The following CEP290 variants were observed in gnomAD, a reference collection of about 807,000 sequenced individuals.
CEP290 encodes centrosomal protein of 290 kDa.
Under a neutral mutation model 344.9 loss-of-function variants are expected in CEP290, and 317 were observed. The ratio of observed to expected loss-of-function variants is 0.92; its 90% CI spans 0.84 to 1.01. The LOEUF (loss-of-function observed/expected upper bound fraction) is 1.01, where lower values mean the gene tolerates loss of function less well. Among genes scored for constraint, CEP290 ranks in the 50% least tolerant of loss-of-function variants. CEP290 has a pLI of 0.00. For synonymous variants in CEP290, 932 were observed against 895.8 expected (o/e 1.04, Z -0.72); for missense variants, 2,754 against 2,761.4 (o/e 1.00, Z 0.06).
chr12:88,071,063 C>T (rs1421944195), intron 43 of CEP290, among the ~76,000 whole-genome samples: 1 of 152,090 alleles, frequency 6.6e-6, no homozygotes, highest in Non-Finnish European at 1.5e-5. Context: ...ACAAAAGTAT[C>T]TACATTTTCC....
intron 45 of CEP290, 40 bp from the exon 46 acceptor site, chr12:88,062,818 C>T: frequency 7.8e-7 from 1 of 1,290,266 alleles, no homozygotes. Flanking sequence ...TTTAACATAG[C>T]TACAGCCATT....
At chr12:88,111,399 GA>G (rs747031831) in intron 21 of CEP290, 48 bp from the exon 22 acceptor site, 1 of 1,502,850 alleles carries the variant, frequency 6.7e-7, no homozygotes, top group Admixed American at 2.4e-5. Context: ...TACACCCAAA[GA>G]AAGACAAATT....
Position 88,087,794 on chromosome 12 carries a change from C to A in CEP290, c.4180G>T (p.Val1394Leu). Residue 1394 changes from valine to leucine, a missense_variant, in exon 32 of 54, where the codon GTG (valine) becomes TTG (leucine). Val to Leu is a conservative substitution (Grantham distance 32, BLOSUM62 1). Coordinates refer to ENST00000552810, the MANE Select transcript of CEP290 (RefSeq NM_025114.4). The stretch of plus-strand genomic sequence containing the variant: ...TAAAATAAAACCTTGTTCTGTTGCA[C>A]AATTTCTTCTTCAAGACTGCTGATT... ...RTISSLEEEI[V>L]QQNKFHEERQ... The A allele has an allele frequency of 1.6e-6, 2 of 1,216,506 alleles. No homozygotes were observed. Among genetic ancestry groups the A allele is most frequent in the Non-Finnish European group, 2.1e-6 (2 of 944,674 alleles). 75.4% of individuals were successfully genotyped at this position (1,216,506 alleles called of 1,614,324 possible).
At chr12:88,079,310 A>T (rs1467119235) in intron 38 of CEP290, 81 bp from the exon 39 acceptor site, 2 of 1,082,892 alleles carry the variant, frequency 1.8e-6, no homozygotes, top group Admixed American at 6.7e-5. Flanking sequence ...AAAAATAAAC[A>T]AGCTTTATTA....
chr12:88,125,250 G>A lies in CEP290; in HGVS notation c.1185C>T (p.Asn395=). Residue 395 remains asparagine (N), a synonymous_variant, in exon 13 of 54, where the codon AAC becomes AAT. Transcript: ENST00000552810. ...ACTATATATTTATAAAAATACCTTTGTTTCTTTGGAGCTCATTTTTCAAAT... is the reference window on the plus strand; with the variant it reads ...ACTATATATTTATAAAAATACCTTTATTTCTTTGGAGCTCATTTTTCAAAT... ...IEDLKNELQR[N]KGASTLSQQT... 1.3e-6 allele frequency: 1 copy of A among 795,816 alleles called. No individual in the cohort carries two copies. Among genetic ancestry groups the A allele is most frequent in the Non-Finnish European group, 1.8e-6 (1 of 547,010 alleles). 49.3% of individuals were successfully genotyped at this position (795,816 alleles called of 1,614,324 possible). A position where few individuals can be genotyped will look rare whatever the true frequency, so the allele number is the denominator to read the frequency against.
intron 28 of CEP290, 31 bp from the exon 29 acceptor site, chr12:88,092,863 A>C: frequency 3.1e-6 from 5 of 1,601,202 alleles, no homozygotes; most frequent in Non-Finnish European, 4.3e-6. Flanking sequence ...ATGTTCAGAT[A>C]CATCAATTTT....
chr12:88,097,916 T>C (rs1448633693), intron 26 of CEP290, among the ~76,000 whole-genome samples: 3 of 152,092 alleles, frequency 2.0e-5, no homozygotes, highest in Admixed American at 6.6e-5. Flanking sequence ...GTTCTGCCCA[T>C]TCAGTGCCTA....
At chr12:88,129,651 T>C (rs2039946702) in intron 10 of CEP290, 43 bp downstream of exon 10, 1 of 1,126,876 alleles carries the variant, frequency 8.9e-7, no homozygotes, top group Non-Finnish European at 1.2e-6. Context: ...AATGAGATAA[T>C]ATGAAGTCTG....
chr12:88,060,079 T>A (rs2034350988), intron 47 of CEP290, 59 bp from the exon 48 acceptor site: 1 of 1,322,856 alleles, frequency 7.6e-7, no homozygotes, highest in Non-Finnish European at 1.0e-6. Flanking sequence ...AAATAAAAGA[T>A]AATCTTATAA....
chr12:88,141,126 G>A, intron 2 of CEP290, 80 bp downstream of exon 2: 8 of 1,303,174 alleles, frequency 6.1e-6, no homozygotes, highest in Non-Finnish European at 8.2e-6. Context: ...AGTTGTCCCT[G>A]AAAAAAATAA....
intron 9 of CEP290, 82 bp from the exon 10 acceptor site, chr12:88,129,958 A>C: frequency 6.8e-6 from 6 of 880,060 alleles, no homozygotes; most frequent in Admixed American, 7.2e-5. Context: ...AAACGCAGCC[A>C]TAAGTGTCCT....
chr12:88,120,362 T>A, intron 14 of CEP290, 86 bp from the exon 15 acceptor site: 1 of 652,628 alleles, frequency 1.5e-6, no homozygotes, highest in Non-Finnish European at 2.4e-6. Flanking sequence ...TTACTAAGTC[T>A]AAAGGAAAAT....
At chr12:88,122,100 C>T (rs537509883) in intron 13 of CEP290, among the ~76,000 whole-genome samples, 50 of 152,120 alleles carry the variant, frequency 3.3e-4, no homozygotes, top group African/African-American at 1.1e-3. Context: ...AAAACTAGTA[C>T]GTTTGAGATC....
chr12:88,085,698 T>C (rs541994808), intron 34 of CEP290, among the ~76,000 whole-genome samples: 29 of 152,216 alleles, frequency 1.9e-4, no homozygotes, highest in Admixed American at 1.4e-3. Context: ...AATTGATTCA[T>C]AGATTATGTA....
In CEP290 at chr12:88,060,778, G is replaced by T; in HGVS notation, c.6522+52C>A. 7 of 1,359,558 alleles carry T rather than the reference G, an allele frequency of 5.1e-6. No individual in the cohort carries two copies. The South Asian group carries it at 5.6e-5, about 11-fold the overall frequency. 84.2% of individuals were successfully genotyped at this position (1,359,558 alleles called of 1,614,324 possible). A position where few individuals can be genotyped will look rare whatever the true frequency, so the allele number is the denominator to read the frequency against. On this transcript the variant is annotated intron_variant, in intron 47 of 53. Transcript: ENST00000552810. ...AGCATATTTGAAATTTTCCTAAATA[G>T]TAACAAAACGTAAAATATTCCCCTA... is the stretch of plus-strand genomic sequence containing the variant.
chr12:88,064,050 C>T lies in CEP290; in HGVS notation c.6201G>A (p.Lys2067=), dbSNP rs761488793. 1 of 1,593,158 alleles carries T rather than the reference C, an allele frequency of 6.3e-7. No homozygotes were observed. The highest frequency in any genetic ancestry group is 1.3e-5 in the African/African-American group (1 of 74,658). Residue 2067 remains lysine (K), a synonymous_variant, in exon 45 of 54, where the codon AAG becomes AAA. Coordinates refer to ENST00000552810, the MANE Select transcript of CEP290 (RefSeq NM_025114.4). ...TCAGTTCAATATTTTCAGATGACAA[C>T]TTCAAGTTTTCCTTCTGAAGCTCCT... ...REQELQKENL[K]LSSENIELKF...
chr12:88,104,623 T>A (rs2471527), intron 25 of CEP290, among the ~76,000 whole-genome samples: 118,279 of 151,602 alleles, frequency 0.78, 50,190 homozygotes, highest in East Asian at 0.96. Context: ...AGCCTAACTA[T>A]ATATCAAATG....
intron 6 of CEP290, among the ~76,000 whole-genome samples, chr12:88,134,611 C>T (rs2040253782): frequency 6.6e-6 from 1 of 152,128 alleles, no homozygotes; most frequent in Non-Finnish European, 1.5e-5. Context: ...TTTTCAAATC[C>T]TACCTTTACC....
At chr12:88,051,078 T>C (rs1399453127) in intron 52 of CEP290, among the ~76,000 whole-genome samples, 1 of 152,146 alleles carries the variant, frequency 6.6e-6, no homozygotes, top group Non-Finnish European at 1.5e-5. Context: ...ATATCTCTTT[T>C]CTTTATATTA....
Sources: gnomAD v4.1 joint callset for allele counts (sites outside exome capture counted in the v4.1 genomes callset) on GRCh38, gnomAD v4.1.1 for gene constraint, MANE v1.5 for transcripts, NCBI Gene and HGNC (gene_info 2026-07-23, HGNC 2026-07-21) for gene names.